The following FGD3 variants were observed in gnomAD, a reference collection of about 807,000 sequenced individuals.
FGD3 encodes FYVE, RhoGEF and PH domain-containing protein 3.
A neutral mutation model predicts 71.8 loss-of-function variants in FGD3; 45 were observed. The observed-to-expected ratio is 0.63, with a 90% CI of 0.49 to 0.80. The LOEUF (loss-of-function observed/expected upper bound fraction) is 0.80. FGD3 is among the 30% of genes least tolerant of loss of function. The pLI is 0.00. For synonymous variants in FGD3, 378 were observed against 392.8 expected, an observed-to-expected ratio of 0.96 and a Z score of 0.44; for missense variants, 844 against 951.5, an observed-to-expected ratio of 0.89 and a Z score of 1.49.
At chr9:92,965,829 C>T (rs1157003022) in intron 1 of FGD3, among the ~76,000 whole-genome samples, 3 of 152,156 alleles carry the variant, frequency 2.0e-5, no homozygotes, top group African/African-American at 4.8e-5. Flanking sequence ...CCACCTGCCC[C>T]GATAGGTCTA....
In FGD3 at chr9:92,976,365, G is replaced by A. The variant is rs1859753420; in HGVS notation, c.109G>A (p.Val37Ile). 1 of 1,610,610 alleles carries A rather than the reference G, an allele frequency of 6.2e-7. No homozygotes were observed. Among genetic ancestry groups the A allele is most frequent in the South Asian group, 1.1e-5 (1 of 90,280 alleles). The change falls in exon 3 of 18, where the codon GTT becomes ATT. Residue 37 changes from valine to isoleucine, a missense_variant. Coordinates refer to ENST00000375482, the MANE Select transcript of FGD3 (RefSeq NM_001083536.2). The stretch of plus-strand genomic sequence containing the variant: ...CCTAGGGAAGCTTCAGGCGCTCCCT[G>A]TTGGGCCCAGAGCCCACTGTGGGGA... ...SSLGKLQALP[V>I]GPRAHCGDPV...
At chr9:93,029,559 C>T (rs1217649595) in intron 14 of FGD3, among the ~76,000 whole-genome samples, 1 of 152,240 alleles carries the variant, frequency 6.6e-6, no homozygotes, top group Non-Finnish European at 1.5e-5. Flanking sequence ...TGCTGTGTTC[C>T]TCCAGCTGTG....
At chr9:92,978,282 C>CAAA (rs372703604) in intron 3 of FGD3, among the ~76,000 whole-genome samples, 1 of 85,094 alleles carries the variant, frequency 1.2e-5, no homozygotes. Flanking sequence ...AACTCCATCT[C>CAAA]AAAAAAAAAA....
intron 1 of FGD3, among the ~76,000 whole-genome samples, chr9:92,973,273 C>A (rs1237530470): frequency 6.6e-6 from 1 of 151,990 alleles, no homozygotes; most frequent in African/African-American, 2.4e-5. Flanking sequence ...CACCACCATG[C>A]CTGGCTAATT....
At chr9:92,953,199 TTACAC>T (rs1858987431) in intron 1 of FGD3, among the ~76,000 whole-genome samples, 2 of 152,154 alleles carry the variant, frequency 1.3e-5, no homozygotes, top group South Asian at 4.1e-4. Flanking sequence ...CATTCTCTAT[TTACAC>T]ATTGATAATT....
intron 14 of FGD3, among the ~76,000 whole-genome samples, chr9:93,027,023 G>A (rs993798136): frequency 5.9e-5 from 9 of 152,232 alleles, no homozygotes; most frequent in Non-Finnish European, 1.3e-4. Flanking sequence ...AGTGTGCTTG[G>A]AGCCCCCACT....
Position 92,957,975 on chromosome 9 carries a change from G to A in FGD3, c.-218+10246G>A, listed in dbSNP as rs557234498. On this transcript the variant is annotated intron_variant, in intron 1 of 17. Transcript: ENST00000375482. ...GGAATACAGGCCACTGCACCCGGCC[G>A]CCTTTGAAATTTTTAAAAAATATTT... Among the ~76,000 whole-genome samples the A allele has an allele frequency of 4.3e-4, 64 of 150,232 alleles. No individual in the cohort carries two copies. The East Asian group carries it at 7.2e-3, about 17-fold the overall frequency.
At position 93,019,879 on chromosome 9, in the gene FGD3, G is replaced by A; in HGVS notation, c.1386+18G>A. ...GGATTCAGGTGAAGCTTCTAAAGTT[G>A]TAAAGTAACCAAATGACCAAGTGAT... On this transcript the variant is annotated intron_variant, in intron 12 of 17. Coordinates refer to ENST00000375482, the MANE Select transcript of FGD3 (RefSeq NM_001083536.2). 6.2e-7 allele frequency: 1 copy of A among 1,613,856 alleles called. No homozygotes were observed. Among genetic ancestry groups the A allele is most frequent in the Non-Finnish European group, 8.5e-7 (1 of 1,179,792 alleles).
intron 14 of FGD3, among the ~76,000 whole-genome samples, chr9:93,027,417 C>T (rs755228977): frequency 1.3e-5 from 2 of 152,134 alleles, no homozygotes; most frequent in Admixed American, 6.5e-5. Context: ...TCAGTTTCCT[C>T]CTTGTTTCCA....
At chr9:92,960,928 G>T (rs1859156892) in intron 1 of FGD3, among the ~76,000 whole-genome samples, 1 of 151,412 alleles carries the variant, frequency 6.6e-6, no homozygotes, top group Non-Finnish European at 1.5e-5. Flanking sequence ...CTCTCCTGGT[G>T]ATTGGGTGCT....
At chr9:92,988,111 G>A (rs115120734) in intron 3 of FGD3, among the ~76,000 whole-genome samples, 60 of 152,312 alleles carry the variant, frequency 3.9e-4, no homozygotes, top group African/African-American at 1.4e-3. Flanking sequence ...TGAAGGGTGA[G>A]GAGGGCGGAT....
rs1385574192 is a variant in FGD3, at chr9:93,031,624, A to C, written c.1681-1145A>C. On this transcript the variant is annotated intron_variant, in intron 15 of 17. Transcript: ENST00000375482. ...GGGTGCCTTCCATCTACTTGAAAAGAGCAATCTCCCCTCTGCTGTGGCTCC... is the reference window on the plus strand; with the variant it reads ...GGGTGCCTTCCATCTACTTGAAAAGCGCAATCTCCCCTCTGCTGTGGCTCC... Among the ~76,000 whole-genome samples, 3 of 152,192 alleles carry C rather than the reference A, an allele frequency of 2.0e-5. No individual in the cohort carries two copies. The East Asian group carries it at 5.8e-4, about 29-fold the overall frequency.
At chr9:93,019,083 A>G (rs912433600) in intron 11 of FGD3, among the ~76,000 whole-genome samples, 9 of 152,050 alleles carry the variant, frequency 5.9e-5, no homozygotes, top group Admixed American at 4.6e-4. Flanking sequence ...TCTTGACCTC[A>G]GGTGATCCAC....
chr9:93,002,451 A>ATGG (rs1370606791), intron 3 of FGD3, among the ~76,000 whole-genome samples: 2 of 152,188 alleles, frequency 1.3e-5, no homozygotes, highest in African/African-American at 4.8e-5. Flanking sequence ...CTAGCTGGAC[A>ATGG]TGGTGGTACG....
chr9:92,975,671 T>C (rs1859717853), intron 2 of FGD3, among the ~76,000 whole-genome samples: 1 of 152,218 alleles, frequency 6.6e-6, no homozygotes, highest in East Asian at 1.9e-4. Flanking sequence ...GTCCACATCC[T>C]CTGGCAAGAC....
rs766286248 is a variant in FGD3 at position 93,035,671 on chromosome 9, C to T, written c.*82C>T. On this transcript the variant is annotated 3_prime_UTR_variant, in exon 18 of 18. Coordinates refer to ENST00000375482, the MANE Select transcript of FGD3 (RefSeq NM_001083536.2). Reference sequence around the variant, plus strand: ...GTGGTGTTGGAGGCCCCATGAAGAGCGCCCTGGACTGCTGAGGGTGGGCCA... The same window carrying T: ...GTGGTGTTGGAGGCCCCATGAAGAGTGCCCTGGACTGCTGAGGGTGGGCCA... 27 of 1,488,160 alleles carry T rather than the reference C, an allele frequency of 1.8e-5. No individual in the cohort carries two copies. In the South Asian group the frequency reaches 2.2e-4, roughly 12 times the overall value. 92.2% of individuals were successfully genotyped at this position (1,488,160 alleles called of 1,614,324 possible).
intron 3 of FGD3, among the ~76,000 whole-genome samples, chr9:92,998,280 A>G (rs1246242803): frequency 6.6e-6 from 1 of 152,128 alleles, no homozygotes; most frequent in Non-Finnish European, 1.5e-5. Context: ...AAGCTTGTGC[A>G]TGCGTCACGT....
intron 6 of FGD3, among the ~76,000 whole-genome samples, chr9:93,008,286 ACT>A (rs1009467428): frequency 9.2e-5 from 14 of 152,336 alleles, no homozygotes; most frequent in African/African-American, 3.4e-4. Context: ...GGGATTTTAC[ACT>A]GATGTCCTGG....
Position 92,976,197 on chromosome 9 carries a change from C to A in FGD3, c.-49-11C>A. 1.4e-6 allele frequency: 2 copies of A among 1,426,136 alleles called. No individual in the cohort carries two copies. The highest frequency in any genetic ancestry group is 1.4e-5 in the South Asian group (1 of 69,264). 88.3% of individuals were successfully genotyped at this position (1,426,136 alleles called of 1,614,324 possible). ...GGCTAGCACTGACTCTGGCTTGTTT[C>A]TCCCCTACAGGAAGCCCCTGGCCAG... On this transcript the variant is annotated splice_polypyrimidine_tract_variant and intron_variant, in intron 2 of 17. Transcript: ENST00000375482.
Sources: gnomAD v4.1 joint callset for allele counts (sites outside exome capture counted in the v4.1 genomes callset) on GRCh38, gnomAD v4.1.1 for gene constraint, MANE v1.5 for transcripts, NCBI Gene and HGNC (gene_info 2026-07-23, HGNC 2026-07-21) for gene names.